DOCK2: variants seen among roughly 807,000 people sequenced by gnomAD.
DOCK2 encodes dedicator of cytokinesis 2, also known as dedicator of cytokinesis protein 2.
Under a neutral mutation model 248.9 loss-of-function variants are expected in DOCK2, and 87 were observed. That is an observed-to-expected ratio of 0.35 (90% CI 0.29 to 0.42). DOCK2 has a LOEUF of 0.42. Ranked by LOEUF, DOCK2 falls within the 10% of genes least tolerant of loss-of-function variation. DOCK2 has a pLI of 1.00. For synonymous variants in DOCK2, 805 were observed against 821.6 expected (o/e 0.98, Z 0.35); for missense variants, 1,747 against 2,300.2 (o/e 0.76, Z 4.92).
intron 22 of DOCK2, among the ~76,000 whole-genome samples, chr5:169,734,400 C>A (rs940934458): frequency 1.3e-5 from 2 of 152,038 alleles, no homozygotes; most frequent in Admixed American, 1.3e-4. Flanking sequence ...TTTTGGGTGA[C>A]CCTGCTTCTT....
chr5:169,736,224 T>C (rs1040196249), intron 22 of DOCK2, among the ~76,000 whole-genome samples: 1 of 152,176 alleles, frequency 6.6e-6, no homozygotes, highest in Non-Finnish European at 1.5e-5. Context: ...TTTGAGTTTT[T>C]ATTTCTTTCA....
At chr5:170,041,609 C>G (rs981961241) in intron 37 of DOCK2, among the ~76,000 whole-genome samples, 2 of 152,198 alleles carry the variant, frequency 1.3e-5, no homozygotes, top group African/African-American at 2.4e-5. Context: ...AAACCAGGAG[C>G]CTTCACAAGT....
rs76395051 is a variant in DOCK2, at chr5:169,661,536, G to A, written c.127+7050G>A. On this transcript the variant is annotated intron_variant, in intron 2 of 51. Coordinates refer to ENST00000520908, the MANE Select transcript of DOCK2 (RefSeq NM_004946.3). ...CAATTTTATTGACTATAGATCCCTT[G>A]TTGTACATTAGATCTCTAGACTTGT... Among the ~76,000 whole-genome samples the A allele has an allele frequency of 4.8e-3, 731 of 152,192 alleles. 10 individuals are homozygous for A. Among genetic ancestry groups the A allele is most frequent in the African/African-American group, 0.017 (690 of 41,496 alleles).
intron 27 of DOCK2, among the ~76,000 whole-genome samples, chr5:169,979,733 A>G (rs927489044): frequency 2.6e-5 from 4 of 152,234 alleles, no homozygotes; most frequent in African/African-American, 4.8e-5. Context: ...AATCGTACCA[A>G]AAGGCACGCA....
chr5:169,684,444 A>C (rs1759840866), intron 8 of DOCK2, 94 bp downstream of exon 8: 29 of 1,474,516 alleles, frequency 2.0e-5, no homozygotes, highest in Non-Finnish European at 2.5e-5. Flanking sequence ...AGCAATCTCC[A>C]CCTGGAAAAG....
At chr5:170,018,088 C>G (rs896974624) in intron 32 of DOCK2, among the ~76,000 whole-genome samples, 1 of 152,082 alleles carries the variant, frequency 6.6e-6, no homozygotes, top group Non-Finnish European at 1.5e-5. Context: ...GTTAATCAAA[C>G]GATTCGACAT....
intron 7 of DOCK2, among the ~76,000 whole-genome samples, chr5:169,682,731 T>C (rs1269966963): frequency 6.6e-6 from 1 of 152,216 alleles, no homozygotes; most frequent in Non-Finnish European, 1.5e-5. Context: ...CGTAATAATA[T>C]ATTGTGTTGG....
intron 26 of DOCK2, among the ~76,000 whole-genome samples, chr5:169,818,255 C>T (rs539641729): frequency 2.6e-5 from 4 of 152,204 alleles, no homozygotes; most frequent in Non-Finnish European, 4.4e-5. Context: ...CCCAGCTTTA[C>T]GATGTCTGTT....
At chr5:169,978,308 C>T (rs1777791952) in intron 27 of DOCK2, among the ~76,000 whole-genome samples, 1 of 144,648 alleles carries the variant, frequency 6.9e-6, no homozygotes. Context: ...GTTTGTTTCC[C>T]AAGGCAAGGC....
At chr5:169,833,857 A>G (rs1220582647) in intron 26 of DOCK2, among the ~76,000 whole-genome samples, 1 of 152,206 alleles carries the variant, frequency 6.6e-6, no homozygotes, top group African/African-American at 2.4e-5. Flanking sequence ...TCCAAGAAGA[A>G]AGACTTGCAT....
At chr5:169,936,940 T>C (rs1252260800) in intron 27 of DOCK2, among the ~76,000 whole-genome samples, 1 of 152,192 alleles carries the variant, frequency 6.6e-6, no homozygotes, top group African/African-American at 2.4e-5. Context: ...AAACAAAGCT[T>C]CTCAATCCCA....
chr5:169,640,385 T>C (rs901479673), intron 1 of DOCK2, among the ~76,000 whole-genome samples: 1 of 152,258 alleles, frequency 6.6e-6, no homozygotes, highest in African/African-American at 2.4e-5. Context: ...ACTCTAGTTA[T>C]TCTTGTAGGG....
chr5:169,994,105 G>T (rs1046749607), intron 29 of DOCK2, among the ~76,000 whole-genome samples: 2 of 152,220 alleles, frequency 1.3e-5, no homozygotes, highest in African/African-American at 4.8e-5. Context: ...GGGAGGGCAG[G>T]TGGCCGGAGT....
intron 32 of DOCK2, among the ~76,000 whole-genome samples, chr5:170,017,866 C>A (rs190467601): frequency 3.0e-4 from 46 of 152,316 alleles, no homozygotes; most frequent in South Asian, 1.7e-3. Context: ...TAAGTACATG[C>A]GGACATATTT....
intron 2 of DOCK2, among the ~76,000 whole-genome samples, chr5:169,665,446 A>G (rs1466075116): frequency 2.0e-5 from 3 of 151,298 alleles, no homozygotes; most frequent in Admixed American, 1.3e-4. Flanking sequence ...ACATGTTTAT[A>G]TGTATATACA....
chr5:169,985,956 AC>A, intron 29 of DOCK2, 34 bp downstream of exon 29: 1 of 1,565,034 alleles, frequency 6.4e-7, no homozygotes, highest in South Asian at 1.2e-5. Flanking sequence ...AAGCTACCTT[AC>A]CCAGCCCTCA....
intron 23 of DOCK2, among the ~76,000 whole-genome samples, chr5:169,756,615 G>T (rs1764207918): frequency 6.6e-6 from 1 of 152,024 alleles, no homozygotes; most frequent in South Asian, 2.1e-4. Flanking sequence ...AGTGGATGAA[G>T]AAACAGTTTG....
At chr5:169,846,801 A>T (rs952763941) in intron 27 of DOCK2, among the ~76,000 whole-genome samples, 4 of 152,148 alleles carry the variant, frequency 2.6e-5, no homozygotes, top group Non-Finnish European at 4.4e-5. Context: ...CCATCACATG[A>T]GTAGTGTGCA....
In DOCK2 at chr5:169,840,742, C is replaced by G; in HGVS notation, c.2704-15C>G. On this transcript the variant is annotated splice_polypyrimidine_tract_variant and intron_variant, in intron 26 of 51. Transcript: ENST00000520908. ...TGTCCTGGTTGTCACATAGATGTCTCTGACTGTTTTACAGGCCTTCACCTA... is the reference window on the plus strand; with the variant it reads ...TGTCCTGGTTGTCACATAGATGTCTGTGACTGTTTTACAGGCCTTCACCTA... 1 of 1,612,942 alleles carries G rather than the reference C, an allele frequency of 6.2e-7. No individual in the cohort carries two copies. Among genetic ancestry groups the G allele is most frequent in the East Asian group, 2.2e-5 (1 of 44,800 alleles).
Sources: allele counts gnomAD v4.1 joint callset (sites outside exome capture counted in the v4.1 genomes callset), GRCh38; gene constraint gnomAD v4.1.1; transcripts MANE v1.5; gene names NCBI Gene and HGNC (gene_info 2026-07-23, HGNC 2026-07-21).